Variants in MRTFA observed in about 807,000 individuals in gnomAD.
MRTFA encodes myocardin related transcription factor A.
MRTFA carries 20 observed loss-of-function variants against 83.5 expected under a neutral mutation model. The observed-to-expected ratio is 0.24, with a 90% CI of 0.17 to 0.35. The LOEUF (loss-of-function observed/expected upper bound fraction) is 0.35. Ranked by LOEUF, MRTFA falls within the 10% of genes least tolerant of loss-of-function variation. The pLI is 1.00. For synonymous variants in MRTFA, 659 were observed against 541.2 expected (o/e 1.22, Z -3.02); for missense variants, 1,200 against 1,224.7 (o/e 0.98, Z 0.30).
intron 2 of MRTFA, among the ~76,000 whole-genome samples, chr22:40,588,344 CTAAGA>C (rs1209623321): frequency 6.6e-6 from 1 of 151,984 alleles, no homozygotes; most frequent in Non-Finnish European, 1.5e-5. Flanking sequence ...TTTTTTGTAA[CTAAGA>C]TAAAACATTA....
intron 3 of MRTFA, among the ~76,000 whole-genome samples, chr22:40,512,899 T>C (rs1028738558): frequency 1.3e-5 from 2 of 152,258 alleles, no homozygotes; most frequent in African/African-American, 4.8e-5. Context: ...AACTGATCCA[T>C]CTTTATCATG....
chr22:40,583,707 C>T (rs144277220), intron 2 of MRTFA, among the ~76,000 whole-genome samples: 1 of 152,274 alleles, frequency 6.6e-6, no homozygotes, highest in African/African-American at 2.4e-5. Flanking sequence ...CTGTAAAATA[C>T]ACATACAAGG....
chr22:40,494,989 AC>A (rs1365671456), intron 3 of MRTFA, among the ~76,000 whole-genome samples: 5 of 151,964 alleles, frequency 3.3e-5, no homozygotes, highest in Non-Finnish European at 7.4e-5. Flanking sequence ...ACTGAACTGT[AC>A]CCCTAAAAAA....
chr22:40,471,853 C>CA (rs1292469463), intron 3 of MRTFA, among the ~76,000 whole-genome samples: 1 of 151,990 alleles, frequency 6.6e-6, no homozygotes, highest in African/African-American at 2.4e-5. Context: ...ACCTGGGTGC[C>CA]AGAGCAAAAC....
chr22:40,439,504 CAAAAAAAAA>C (rs756033541), intron 4 of MRTFA, among the ~76,000 whole-genome samples: 43 of 32,148 alleles, frequency 1.3e-3, no homozygotes, highest in East Asian at 4.3e-3. Context: ...GACTCTGTCT[CAAAAAAAAA>C]AAAAAAAAAA....
intron 7 of MRTFA, chr22:40,429,351 G>A (rs1246953134): frequency 3.2e-6 from 2 of 623,340 alleles, no homozygotes; most frequent in Non-Finnish European, 5.8e-6. Flanking sequence ...TACAAAGATG[G>A]AAAGTGAACA....
At chr22:40,419,446 G>C in intron 11 of MRTFA, 62 bp from the exon 12 acceptor site, 12 of 1,480,418 alleles carry the variant, frequency 8.1e-6, no homozygotes, top group East Asian at 2.3e-5. Flanking sequence ...CTGGGTCCAG[G>C]CAGAAGGGCA....
chr22:40,590,185 C>T (rs766514938), intron 2 of MRTFA, among the ~76,000 whole-genome samples: 12 of 152,040 alleles, frequency 7.9e-5, no homozygotes, highest in Non-Finnish European at 7.4e-5. Flanking sequence ...ATTGCTACTA[C>T]GACAACTACA....
rs762189682 is a variant in MRTFA at position 40,411,606 on chromosome 22, G to A, written c.2880C>T (p.Pro960=). The change falls in exon 15 of 15, where the codon CCC becomes CCT. Residue 960 remains proline, a synonymous_variant. Coordinates refer to ENST00000355630, the MANE Select transcript of MRTFA (RefSeq NM_020831.6). ...CAAAGTGCAATTCCGAGGTGTCCAT[G>A]GGTGACGGGGGGTGGTCCAGGATGG... is the stretch of plus-strand genomic sequence containing the variant. 4 of 1,613,746 alleles carry A rather than the reference G, an allele frequency of 2.5e-6. No homozygotes were observed. The South Asian group carries it at 4.4e-5, about 18-fold the overall frequency.
At chr22:40,463,310 A>C (rs1442935447) in intron 3 of MRTFA, 24 bp from the exon 4 acceptor site, 1 of 1,605,796 alleles carries the variant, frequency 6.2e-7, no homozygotes, top group African/African-American at 1.3e-5. Context: ...GAGAGAGAGG[A>C]GAGATGAGGG....
chr22:40,476,155 A>AGGG (rs1181215772), intron 3 of MRTFA, among the ~76,000 whole-genome samples: 17 of 144,950 alleles, frequency 1.2e-4, no homozygotes, highest in African/African-American at 4.0e-4. Context: ...AAAAAAAAAA[A>AGGG]GGGGGGGGGT....
At chr22:40,528,216 C>T (rs1041751532) in intron 3 of MRTFA, among the ~76,000 whole-genome samples, 1 of 152,156 alleles carries the variant, frequency 6.6e-6, no homozygotes, top group African/African-American at 2.4e-5. Flanking sequence ...AATACCCAGG[C>T]ACTGGTTTTT....
chr22:40,580,282 T>C (rs1036063020), intron 2 of MRTFA, among the ~76,000 whole-genome samples: 1 of 152,154 alleles, frequency 6.6e-6, no homozygotes, highest in Non-Finnish European at 1.5e-5. Context: ...CACTACAGCC[T>C]CAAACTCCTG....
At chr22:40,451,641 T>C (rs771396974) in intron 4 of MRTFA, among the ~76,000 whole-genome samples, 1 of 152,140 alleles carries the variant, frequency 6.6e-6, no homozygotes. Flanking sequence ...CACAATCTCA[T>C]TTAGCACGAG....
At chr22:40,535,094 T>C (rs2055145161) in intron 3 of MRTFA, among the ~76,000 whole-genome samples, 1 of 152,128 alleles carries the variant, frequency 6.6e-6, no homozygotes, top group Non-Finnish European at 1.5e-5. Context: ...TGGGAATGAC[T>C]CAACAGGCAA....
At chr22:40,586,947 G>T in intron 2 of MRTFA, 1 of 444,824 alleles carries the variant, frequency 2.2e-6, no homozygotes, top group Non-Finnish European at 4.6e-6. Context: ...TGCTGCCACC[G>T]CCGCCGCTGC....
intron 11 of MRTFA, among the ~76,000 whole-genome samples, 155 bp downstream of exon 11, chr22:40,420,250 C>T (rs2052800125): frequency 6.6e-6 from 1 of 152,362 alleles, no homozygotes; most frequent in Middle Eastern, 3.4e-3. Flanking sequence ...CCAAGGTGCC[C>T]TGTCTGATGG....
chr22:40,495,149 G>T (rs953912541), intron 3 of MRTFA, among the ~76,000 whole-genome samples: 3 of 151,768 alleles, frequency 2.0e-5, no homozygotes, highest in Admixed American at 6.6e-5. Context: ...TGAGGTGAGA[G>T]GATTGCTTGA....
chr22:40,411,964 T>G (rs1158785829), intron 14 of MRTFA, 57 bp from the exon 15 acceptor site: 10 of 1,377,270 alleles, frequency 7.3e-6, no homozygotes, highest in Non-Finnish European at 9.5e-6. Flanking sequence ...TATATCTACA[T>G]GCAAAAGAAT....
Sources: gnomAD v4.1 joint callset for allele counts (sites outside exome capture counted in the v4.1 genomes callset) on GRCh38, gnomAD v4.1.1 for gene constraint, MANE v1.5 for transcripts, NCBI Gene and HGNC (gene_info 2026-07-23, HGNC 2026-07-21) for gene names.